The following SPATA6 variants were observed in gnomAD, a reference collection of about 807,000 sequenced individuals.
The protein encoded by SPATA6 is spermatogenesis-associated protein 6.
In SPATA6, 56 loss-of-function variants were observed where a neutral mutation model predicts 65.3. The observed-to-expected ratio is 0.86, with a 90% CI of 0.69 to 1.07. The LOEUF (loss-of-function observed/expected upper bound fraction) is 1.07. Among genes scored for constraint, SPATA6 ranks in the 50% least tolerant of loss-of-function variants. SPATA6 has a pLI of 0.00. For synonymous variants in SPATA6, 199 were observed against 213.2 expected, an observed-to-expected ratio of 0.93 and a Z score of 0.58; for missense variants, 590 against 594.8, an observed-to-expected ratio of 0.99 and a Z score of 0.08.
rs184632977 is a variant in SPATA6 at position 48,436,295 on chromosome 1, T to C, written c.238+15257A>G. 1.7e-4 allele frequency: 271 copies of C among 1,613,596 alleles called. 2 individuals are homozygous for C. In the East Asian group the frequency reaches 4.7e-3, roughly 28 times the overall value. On this transcript the variant is annotated intron_variant, in intron 3 of 12. Coordinates refer to ENST00000371847, the MANE Select transcript of SPATA6 (RefSeq NM_019073.4). The stretch of plus-strand genomic sequence containing the variant: ...AAAGCTTTACAGAAAGCCGTGATTC[T>C]ATCCCACTTTTTCCGGCATCCCAAT...
At chr1:48,375,952 T>C (rs968631735) in intron 9 of SPATA6, among the ~76,000 whole-genome samples, 1 of 152,194 alleles carries the variant, frequency 6.6e-6, no homozygotes, top group Non-Finnish European at 1.5e-5. Flanking sequence ...CTAATTGCTA[T>C]GACAAAATTT....
chr1:48,365,132 G>A (rs1646956284), intron 9 of SPATA6, among the ~76,000 whole-genome samples: 1 of 152,058 alleles, frequency 6.6e-6, no homozygotes. Flanking sequence ...TATTTCTGAG[G>A]GCTCTGTTCT....
At chr1:48,471,843 C>T in intron 1 of SPATA6, 115 bp downstream of exon 1, 1 of 1,273,260 alleles carries the variant, frequency 7.9e-7, no homozygotes, top group Non-Finnish European at 1.1e-6. Context: ...GGTCGACGCT[C>T]CCTAGGGATG....
At chr1:48,387,099 A>G (rs1293105102) in intron 8 of SPATA6, among the ~76,000 whole-genome samples, 1 of 152,214 alleles carries the variant, frequency 6.6e-6, no homozygotes, top group Non-Finnish European at 1.5e-5. Flanking sequence ...CACGTCTTAC[A>G]TGGATGGCAG....
intron 11 of SPATA6, among the ~76,000 whole-genome samples, chr1:48,309,821 C>T (rs891750672): frequency 2.0e-5 from 3 of 152,186 alleles, no homozygotes; most frequent in Admixed American, 6.5e-5. Flanking sequence ...ATTGGACAGA[C>T]ATTTCTATAA....
intron 1 of SPATA6, among the ~76,000 whole-genome samples, chr1:48,453,744 G>A (rs978540489): frequency 7.2e-5 from 11 of 152,068 alleles, no homozygotes; most frequent in Non-Finnish European, 1.3e-4. Context: ...GCTCCCAGAG[G>A]GGAGGATTTT....
intron 11 of SPATA6, among the ~76,000 whole-genome samples, chr1:48,318,630 T>A (rs542809537): frequency 6.6e-6 from 1 of 152,278 alleles, no homozygotes; most frequent in African/African-American, 2.4e-5. Context: ...CATAAATAAA[T>A]TTTTAAAGTG....
chr1:48,404,900 A>G (rs1373511309), intron 5 of SPATA6, among the ~76,000 whole-genome samples: 1 of 152,220 alleles, frequency 6.6e-6, no homozygotes, highest in African/African-American at 2.4e-5. Context: ...ATTTGGAAGC[A>G]CACAATTACG....
chr1:48,291,503 G>A (rs1644767468), downstream of SPATA6, among the ~76,000 whole-genome samples: 1 of 152,210 alleles, frequency 6.6e-6, no homozygotes, highest in African/African-American at 2.4e-5. Flanking sequence ...CACCAGGGAA[G>A]TGGGGGAAAG....
chr1:48,347,815 T>C (rs1459965446), intron 11 of SPATA6, among the ~76,000 whole-genome samples: 2 of 151,472 alleles, frequency 1.3e-5, no homozygotes, highest in East Asian at 3.9e-4. Flanking sequence ...CCTGGACTTG[T>C]GATCCACACC....
chr1:48,264,311 T>C, the SPATA6 span, among the ~76,000 whole-genome samples: 32 of 152,332 alleles, frequency 2.1e-4, no homozygotes, highest in Admixed American at 5.9e-4. Flanking sequence ...CAACACACAT[T>C]TCCACCTTAT....
intron 1 of SPATA6, among the ~76,000 whole-genome samples, chr1:48,465,121 A>G (rs1657720158): frequency 6.6e-6 from 1 of 152,166 alleles, no homozygotes; most frequent in Non-Finnish European, 1.5e-5. Flanking sequence ...TCCAAAATAT[A>G]TTTAACAAGA....
chr1:48,360,832 T>C (rs887517495), intron 9 of SPATA6, among the ~76,000 whole-genome samples: 1 of 152,076 alleles, frequency 6.6e-6, no homozygotes, highest in Non-Finnish European at 1.5e-5. Flanking sequence ...AGGTGAGAAG[T>C]GATCAGATTC....
intron 3 of SPATA6, among the ~76,000 whole-genome samples, chr1:48,449,394 T>C (rs1356270228): frequency 1.3e-5 from 2 of 152,178 alleles, no homozygotes; most frequent in East Asian, 1.9e-4. Flanking sequence ...TGCTGTTAAG[T>C]ACACAGCACC....
At chr1:48,444,299 T>C (rs1446677138) in intron 3 of SPATA6, among the ~76,000 whole-genome samples, 1 of 151,574 alleles carries the variant, frequency 6.6e-6, no homozygotes, top group South Asian at 2.1e-4. Flanking sequence ...AAAAGGATTG[T>C]GAATGCACCA....
At position 48,472,075 on chromosome 1, in the gene SPATA6, G is replaced by A. The variant is rs554843684; in HGVS notation, c.-67C>T. ...CCCGAGTGAGGCGGGGAGACCTGGG[G>A]CTGGGCGGGGACGGGGAGGAGACGA... On this transcript the variant is annotated 5_prime_UTR_variant, in exon 1 of 13. Transcript: ENST00000371847. 1.5e-4 allele frequency: 193 copies of A among 1,269,636 alleles called. 1 individual carries two copies. In the African/African-American group the frequency reaches 2.7e-3, roughly 17 times the overall value. 78.6% of individuals were successfully genotyped at this position (1,269,636 alleles called of 1,614,324 possible).
chr1:48,305,966 C>G, intron 11 of SPATA6, 88 bp from the exon 12 acceptor site: 1 of 919,368 alleles, frequency 1.1e-6, no homozygotes, highest in Non-Finnish European at 1.6e-6. Flanking sequence ...CTCTTCCCCT[C>G]CCTTTATAAA....
chr1:48,267,752 G>GTT, the SPATA6 span, among the ~76,000 whole-genome samples: 3,902 of 72,578 alleles, frequency 0.054, 571 homozygotes, highest in East Asian at 0.16. Context: ...TAGGGTCTGG[G>GTT]TTTTTTTTTT....
rs143304373 is a variant in SPATA6, at chr1:48,416,569, G to A, written c.239-3418C>T. On this transcript the variant is annotated intron_variant, in intron 3 of 12. Coordinates refer to ENST00000371847, the MANE Select transcript of SPATA6 (RefSeq NM_019073.4). ...TAAAACCTTACAACAAATAAAACAC[G>A]TAAGCCAGATGACTGCACTGGTGAA... Among the ~76,000 whole-genome samples, 129 of 152,138 alleles carry A rather than the reference G, an allele frequency of 8.5e-4. 1 individual carries two copies. Among genetic ancestry groups the A allele is most frequent in the African/African-American group, 3.0e-3 (125 of 41,534 alleles).
Sources: gnomAD v4.1 joint callset for allele counts (sites outside exome capture counted in the v4.1 genomes callset) on GRCh38, gnomAD v4.1.1 for gene constraint, MANE v1.5 for transcripts, NCBI Gene and HGNC (gene_info 2026-07-23, HGNC 2026-07-21) for gene names.